GGH: variants seen among roughly 807,000 people sequenced by gnomAD.
GGH encodes the protein gamma-glutamyl hydrolase, also known as gamma-Glu-X carboxypeptidase.
A neutral mutation model predicts 39.2 loss-of-function variants in GGH; 18 were observed. The observed-to-expected ratio is 0.46, with a 90% CI of 0.32 to 0.68. GGH has a LOEUF of 0.68. Among genes scored for constraint, GGH ranks in the 30% least tolerant of loss-of-function variants. GGH has a pLI of 0.04. For synonymous variants in GGH, 147 were observed against 138.8 expected, an observed-to-expected ratio of 1.06 and a Z score of -0.42; for missense variants, 367 against 384.1, an observed-to-expected ratio of 0.96 and a Z score of 0.37.
At chr8:63,017,763 TCAGA>T (rs1328385914) in intron 7 of GGH, 133 bp from the exon 8 acceptor site, 6 of 557,850 alleles carry the variant, frequency 1.1e-5, no homozygotes, top group African/African-American at 5.9e-5. Context: ...ACATATTCTC[TCAGA>T]CACAAAATAA....
At chr8:63,034,467 C>A (rs981983090) in intron 2 of GGH, among the ~76,000 whole-genome samples, 1 of 151,980 alleles carries the variant, frequency 6.6e-6, no homozygotes, top group Non-Finnish European at 1.5e-5. Context: ...ACAGGCTGTA[C>A]AGAATAAATA....
In GGH at chr8:63,035,690, A is replaced by G. The variant is rs764384225; in HGVS notation, c.190T>C (p.Leu64=). Residue 64 remains leucine, a synonymous_variant, in exon 2 of 9, where the codon TTG becomes CTG. Coordinates refer to ENST00000260118, the MANE Select transcript of GGH (RefSeq NM_003878.3). ...ACAACTCTCGCACCTGCAGACTCCA[A>G]GTACTTTACATAGGACGCAGCAATA... ...YYIAASYVKY[L]ESAGARVVPV... is the part of the protein sequence containing the mutation. The G allele has an allele frequency of 6.2e-7, 1 of 1,613,314 alleles. No individual in the cohort carries two copies. Among genetic ancestry groups the G allele is most frequent in the South Asian group, 1.1e-5 (1 of 90,748 alleles).
chr8:63,020,113 G>A (rs77642645), intron 7 of GGH, among the ~76,000 whole-genome samples: 11,483 of 152,088 alleles, frequency 0.076, 749 homozygotes, highest in East Asian at 0.34. Context: ...ATTCAGTAAC[G>A]AGTGAGATTT....
At chr8:63,024,036 G>T (rs1263714683) in intron 6 of GGH, 39 bp from the exon 7 acceptor site, 1 of 1,543,170 alleles carries the variant, frequency 6.5e-7, no homozygotes, top group South Asian at 1.2e-5. Flanking sequence ...TACTTCTGCA[G>T]TTATTCTAAA....
At chr8:63,035,302 A>G (rs918287232) in intron 2 of GGH, among the ~76,000 whole-genome samples, 2 of 152,126 alleles carry the variant, frequency 1.3e-5, no homozygotes, top group Admixed American at 6.5e-5. Flanking sequence ...TTTTAGAGAT[A>G]TTAGGCAGTA....
At chr8:63,018,699 C>T (rs1804531082) in intron 7 of GGH, among the ~76,000 whole-genome samples, 1 of 152,184 alleles carries the variant, frequency 6.6e-6, no homozygotes, top group Non-Finnish European at 1.5e-5. Flanking sequence ...AGCAAGAGAC[C>T]CACAGGCTGG....
intron 3 of GGH, chr8:63,028,548 A>G (rs1410794007): frequency 2.0e-5 from 3 of 152,192 alleles, no homozygotes; most frequent in East Asian, 3.9e-4. Flanking sequence ...CAGTGACTCA[A>G]TAAAGGTGCT....
At chr8:63,031,785 G>A (rs17194931) in intron 2 of GGH, among the ~76,000 whole-genome samples, 10,831 of 152,222 alleles carry the variant, frequency 0.071, 437 homozygotes, top group South Asian at 0.17. Flanking sequence ...GCTGTTAGTT[G>A]CATGTTGTCA....
intron 7 of GGH, among the ~76,000 whole-genome samples, chr8:63,022,284 AT>A (rs1166739018): frequency 4.7e-5 from 7 of 150,110 alleles, no homozygotes; most frequent in African/African-American, 1.2e-4. Flanking sequence ...CCACCTGAAA[AT>A]TTTTTTTTTA....
At chr8:63,031,892 G>T (rs949812356) in intron 2 of GGH, among the ~76,000 whole-genome samples, 2 of 152,166 alleles carry the variant, frequency 1.3e-5, no homozygotes, top group African/African-American at 2.4e-5. Context: ...GGTGATGATG[G>T]CAAATGACAC....
chr8:63,029,444 T>C (rs1804761717), intron 3 of GGH, among the ~76,000 whole-genome samples: 1 of 152,154 alleles, frequency 6.6e-6, no homozygotes, highest in Non-Finnish European at 1.5e-5. Context: ...ACCTGATGGA[T>C]TACGGGGTGA....
intron 8 of GGH, among the ~76,000 whole-genome samples, chr8:63,016,779 G>C (rs895972764): frequency 3.3e-5 from 5 of 152,096 alleles, no homozygotes; most frequent in African/African-American, 1.2e-4. Context: ...CCAAATTCTC[G>C]ATTTTTCCCA....
Position 63,015,132 on chromosome 8 carries a change from C to G in GGH, c.*200G>C, listed in dbSNP as rs1804461914. 2.9e-6 allele frequency: 1 copy of G among 350,110 alleles called. No homozygotes were observed. The highest frequency in any genetic ancestry group is 1.4e-4 in the South Asian group (1 of 6,966). The allele number at this position is 350,110 out of a possible 1,614,324, so 21.7% of individuals were successfully genotyped here. On this transcript the variant is annotated 3_prime_UTR_variant, in exon 9 of 9. Transcript: ENST00000260118. ...AATCTTCAGATATAAGAAGGCTTTT[C>G]CATGAAAAACACTCTATTTATGTCT...
chr8:63,019,348 T>C (rs4317561), intron 7 of GGH, among the ~76,000 whole-genome samples: 18,956 of 152,208 alleles, frequency 0.12, 1,388 homozygotes, highest in East Asian at 0.34. Context: ...AAAATTAAAG[T>C]TGAGCAAACT....
chr8:63,027,408 GA>G (rs1804707748), intron 3 of GGH, 143 bp from the exon 4 acceptor site: 1 of 512,392 alleles, frequency 2.0e-6, no homozygotes, highest in African/African-American at 2.0e-5. Flanking sequence ...GAAAAGTAAA[GA>G]AAAAAGAAAA....
intron 1 of GGH, among the ~76,000 whole-genome samples, chr8:63,036,442 C>G (rs115563904): frequency 0.017 from 2,545 of 152,256 alleles, 67 homozygotes; most frequent in African/African-American, 0.058. Flanking sequence ...AGCCCCTGCC[C>G]TGTGTGCATT....
intron 7 of GGH, among the ~76,000 whole-genome samples, chr8:63,019,783 G>T (rs772565653): frequency 3.9e-5 from 6 of 152,098 alleles, no homozygotes; most frequent in Admixed American, 1.3e-4. Context: ...CCTTTCATCC[G>T]AGGGCTATTT....
At chr8:63,027,122 C>T (rs982288243) in intron 4 of GGH, 59 bp downstream of exon 4, 1 of 825,960 alleles carries the variant, frequency 1.2e-6, no homozygotes, top group Non-Finnish European at 2.1e-6. Flanking sequence ...AAAAATGAAC[C>T]ACTCGCACAA....
chr8:63,023,562 T>C (rs16930089), intron 7 of GGH: 5,806 of 162,066 alleles, frequency 0.036, 344 homozygotes, highest in African/African-American at 0.13. Flanking sequence ...ATTTACTATG[T>C]TTTTCTCTAT....
Sources: allele counts gnomAD v4.1 joint callset (sites outside exome capture counted in the v4.1 genomes callset), GRCh38; gene constraint gnomAD v4.1.1; transcripts MANE v1.5; gene names NCBI Gene and HGNC (gene_info 2026-07-23, HGNC 2026-07-21).